Variants in NEGR1 observed in about 807,000 individuals in gnomAD.
NEGR1 encodes IgLON family member 4.
A neutral mutation model predicts 40.9 loss-of-function variants in NEGR1; 10 were observed. The ratio of observed to expected loss-of-function variants is 0.24; its 90% confidence interval spans 0.15 to 0.42. The LOEUF is 0.42. NEGR1 is among the 10% of genes least tolerant of loss of function. The pLI is 1.00. For missense variants in NEGR1, 352 were observed against 438.9 expected (o/e 0.80, Z 1.77); for synonymous variants, 185 against 166.8 (o/e 1.11, Z -0.84).
At chr1:71,485,802 G>A (rs1057000528) in intron 6 of NEGR1, among the ~76,000 whole-genome samples, 4 of 151,456 alleles carry the variant, frequency 2.6e-5, no homozygotes, top group Admixed American at 2.0e-4. Context: ...ATATTCCACC[G>A]TCTTTATATG....
chr1:72,026,583 C>T (rs1015197218), intron 1 of NEGR1, among the ~76,000 whole-genome samples: 2 of 152,284 alleles, frequency 1.3e-5, no homozygotes, highest in African/African-American at 4.8e-5. Context: ...AATTCCTTAT[C>T]TCCAATATAG....
chr1:71,766,044 T>C (rs942379885), intron 3 of NEGR1, among the ~76,000 whole-genome samples: 7 of 151,812 alleles, frequency 4.6e-5, no homozygotes, highest in Admixed American at 3.9e-4. Flanking sequence ...CTTGGTGGCA[T>C]GCGCCTGTAA....
At chr1:71,951,907 T>C (rs536233049) in intron 1 of NEGR1, among the ~76,000 whole-genome samples, 1 of 152,078 alleles carries the variant, frequency 6.6e-6, no homozygotes, top group South Asian at 2.1e-4. Context: ...ATCTTTGATG[T>C]TACCATTATA....
intron 1 of NEGR1, among the ~76,000 whole-genome samples, chr1:72,231,788 C>G (rs1337455848): frequency 6.6e-6 from 1 of 151,930 alleles, no homozygotes; most frequent in African/African-American, 2.4e-5. Flanking sequence ...GTTAATTTTA[C>G]TTTTGGGAAA....
chr1:72,256,067 A>G (rs1215544600), intron 1 of NEGR1, among the ~76,000 whole-genome samples: 4 of 152,202 alleles, frequency 2.6e-5, no homozygotes, highest in Non-Finnish European at 5.9e-5. Flanking sequence ...TTGGAATCCA[A>G]TTGCCTGGTA....
At chr1:71,492,386 G>A (rs994143473) in intron 6 of NEGR1, among the ~76,000 whole-genome samples, 2 of 151,808 alleles carry the variant, frequency 1.3e-5, no homozygotes, top group African/African-American at 2.4e-5. Context: ...TCAATTAAAC[G>A]TTTATCAAAA....
At position 72,282,496 on chromosome 1, in the gene NEGR1, C is replaced by T. The variant is rs1322277749; in HGVS notation, c.-2G>A. ...CTGCACCAACAGCATCATGTCCATCCCTGCTAGGGCTGCTCACTCTCCAGC... is the reference window on the plus strand; with the variant it reads ...CTGCACCAACAGCATCATGTCCATCTCTGCTAGGGCTGCTCACTCTCCAGC... On this transcript the variant is annotated 5_prime_UTR_variant, in exon 1 of 7. Transcript: ENST00000357731. 1.2e-6 allele frequency: 2 copies of T among 1,610,956 alleles called. No homozygotes were observed. Among genetic ancestry groups the T allele is most frequent in the African/African-American group, 1.3e-5 (1 of 74,632 alleles).
Position 71,958,397 on chromosome 1 carries a change from T to G in NEGR1, c.177-23086A>C, listed in dbSNP as rs1258803695. 2.6e-5 allele frequency among the ~76,000 whole-genome samples: 4 copies of G among 152,144 alleles called. No individual in the cohort carries two copies. The East Asian group carries it at 7.7e-4, about 29-fold the overall frequency. ...CCTAATTTATAACTGGAAATAAAAC[T>G]TTTGTCTCTACATAAAGGAATCCAG... On this transcript the variant is annotated intron_variant, in intron 1 of 6. Coordinates refer to ENST00000357731, the MANE Select transcript of NEGR1 (RefSeq NM_173808.3).
At chr1:71,822,315 A>G (rs547696549) in intron 2 of NEGR1, among the ~76,000 whole-genome samples, 7 of 152,000 alleles carry the variant, frequency 4.6e-5, no homozygotes, top group Non-Finnish European at 8.8e-5. Context: ...TCTACGTATT[A>G]TATGTTGATA....
At position 71,830,904 on chromosome 1, in the gene NEGR1, G is replaced by A. The variant is rs139668331; in HGVS notation, c.410-54607C>T. ...GTTATGGGGAGACACAATTATATAA[G>A]CCAAATTTCCTGCTTTTAAGATCAC... On this transcript the variant is annotated intron_variant, in intron 2 of 6. Transcript: ENST00000357731. 7.9e-5 allele frequency among the ~76,000 whole-genome samples: 12 copies of A among 151,752 alleles called. No homozygotes were observed. In the East Asian group the frequency reaches 2.3e-3, roughly 30 times the overall value.
chr1:71,705,803 AAG>A (rs1041695456), intron 3 of NEGR1, among the ~76,000 whole-genome samples: 11 of 150,982 alleles, frequency 7.3e-5, no homozygotes, highest in African/African-American at 2.2e-4. Flanking sequence ...AAGAAAAGAA[AAG>A]AGAGGAAGGA....
chr1:72,013,770 C>T (rs1313685336), intron 1 of NEGR1, among the ~76,000 whole-genome samples: 5 of 150,878 alleles, frequency 3.3e-5, no homozygotes, highest in Non-Finnish European at 5.9e-5. Flanking sequence ...CTGTCATGTT[C>T]GTGAACAAAG....
chr1:71,612,870 A>G (rs1226359016), intron 4 of NEGR1, among the ~76,000 whole-genome samples: 1 of 152,184 alleles, frequency 6.6e-6, no homozygotes, highest in Admixed American at 6.5e-5. Context: ...GCCGACACAA[A>G]GAGAAAGAAG....
chr1:71,748,709 T>C (rs1655468021), intron 3 of NEGR1, among the ~76,000 whole-genome samples: 1 of 152,134 alleles, frequency 6.6e-6, no homozygotes, highest in African/African-American at 2.4e-5. Context: ...AAAATTTACC[T>C]AAGGACTATT....
intron 1 of NEGR1, among the ~76,000 whole-genome samples, chr1:72,216,883 A>T (rs1004682455): frequency 6.6e-6 from 1 of 151,576 alleles, no homozygotes; most frequent in Non-Finnish European, 1.5e-5. Context: ...TGCTATAAAA[A>T]TATTAACCAG....
intron 4 of NEGR1, among the ~76,000 whole-genome samples, chr1:71,642,302 T>A (rs577140327): frequency 5.3e-5 from 8 of 151,860 alleles, no homozygotes; most frequent in African/African-American, 1.9e-4. Context: ...GGAAAACAGA[T>A]AACTTATAAA....
chr1:72,043,292 T>G (rs1646971832), intron 1 of NEGR1, among the ~76,000 whole-genome samples: 1 of 151,962 alleles, frequency 6.6e-6, no homozygotes, highest in Admixed American at 6.6e-5. Flanking sequence ...CTAATACTTT[T>G]GTAAATCATT....
At chr1:71,532,014 AT>A (rs1481565141) in intron 6 of NEGR1, among the ~76,000 whole-genome samples, 1 of 151,428 alleles carries the variant, frequency 6.6e-6, no homozygotes. Flanking sequence ...AGAAAAAACT[AT>A]TTAACTAACT....
chr1:72,207,574 T>C (rs1653456906), intron 1 of NEGR1, among the ~76,000 whole-genome samples: 2 of 151,816 alleles, frequency 1.3e-5, no homozygotes, highest in Admixed American at 6.6e-5. Context: ...AATTCATTAC[T>C]GTTCATATCC....
Sources: gnomAD v4.1 joint callset for allele counts (sites outside exome capture counted in the v4.1 genomes callset) on GRCh38, gnomAD v4.1.1 for gene constraint, MANE v1.5 for transcripts, NCBI Gene and HGNC (gene_info 2026-07-23, HGNC 2026-07-21) for gene names.